Variants in DUS1L observed in about 807,000 individuals in gnomAD.
The protein encoded by DUS1L is dihydrouridine synthase 1 like.
A neutral mutation model predicts 61.2 loss-of-function variants in DUS1L; 56 were observed. The observed-to-expected ratio is 0.92, with a 90% CI of 0.74 to 1.14. The LOEUF (loss-of-function observed/expected upper bound fraction) is 1.14, where lower values mean the gene tolerates loss of function less well. Ranked by LOEUF, DUS1L falls within the 50% of genes most tolerant of loss-of-function variation. DUS1L has a pLI of 0.00. For synonymous variants in DUS1L, 278 were observed against 259.5 expected (o/e 1.07, Z -0.69); for missense variants, 630 against 632.4 (o/e 1.00, Z 0.04).
chr17:82,063,636 C>A (rs150482617), intron 3 of DUS1L, 118 bp from the exon 4 acceptor site: 3 of 1,293,152 alleles, frequency 2.3e-6, no homozygotes, highest in South Asian at 2.5e-5. Context: ...CCCTGTCAGG[C>A]GGGACACAGG....
chr17:82,065,046 T>C lies in DUS1L; in HGVS notation c.14A>G (p.Gln5Arg). Residue 5 changes from glutamine to arginine, a missense_variant, in exon 2 of 14, where the codon CAG (glutamine) becomes CGG (arginine). Physicochemically the swap from Gln to Arg is conservative, Grantham distance 43 (BLOSUM62 1). Transcript: ENST00000306796. ...GGTGCGGCTCCAGAACTCGAAGCCCTGCAGCTTTGGCATCGTCTCCAGGCT... is the reference window on the plus strand; with the variant it reads ...GGTGCGGCTCCAGAACTCGAAGCCCCGCAGCTTTGGCATCGTCTCCAGGCT... MPKL[Q>R]GFEFWSRTLR... 6.3e-7 allele frequency: 1 copy of C among 1,598,900 alleles called. No individual in the cohort carries two copies. Among genetic ancestry groups the C allele is most frequent in the Non-Finnish European group, 8.5e-7 (1 of 1,171,632 alleles).
At chr17:82,063,199 C>G (rs756653601) in intron 4 of DUS1L, 3 of 631,780 alleles carry the variant, frequency 4.7e-6, no homozygotes, top group Non-Finnish European at 8.3e-6. Context: ...AAGGCCGGCT[C>G]TGTCTCCCAG....
chr17:82,058,929 GC>G, intron 11 of DUS1L, 111 bp from the exon 12 acceptor site: 2 of 1,011,138 alleles, frequency 2.0e-6, no homozygotes, highest in Non-Finnish European at 3.1e-6. Flanking sequence ...GCCAGCTGTG[GC>G]CAGCCAGGCC....
At chr17:82,060,592 T>C in intron 10 of DUS1L, 109 bp downstream of exon 10, 1 of 1,387,254 alleles carries the variant, frequency 7.2e-7, no homozygotes, top group Non-Finnish European at 9.8e-7. Context: ...GGGCAGGAGA[T>C]GACTGACCAT....
In DUS1L at chr17:82,064,953, C is replaced by T; in HGVS notation, c.107G>A (p.Ser36Asn). Residue 36 changes from serine (S) to asparagine (N), a missense_variant, in exon 2 of 14, where the codon AGC becomes AAC. By Grantham distance (46) the Ser-to-Asn change is conservative (BLOSUM62 1). Transcript: ENST00000306796. ...DQSELAWRLLSRRHGAQLCYT... is the reference protein window; with the variant it reads ...DQSELAWRLLNRRHGAQLCYT... The stretch of plus-strand genomic sequence containing the variant: ...GCAGAGCTGTGCCCCGTGGCGCCGG[C>T]TCAGCAGCCTCCAGGCCAGCTCGCT... The T allele has an allele frequency of 6.2e-7, 1 of 1,612,516 alleles. No homozygotes were observed. Among genetic ancestry groups the T allele is most frequent in the Non-Finnish European group, 8.5e-7 (1 of 1,179,824 alleles).
chr17:82,062,768 G>A (rs2144740068), intron 5 of DUS1L, 93 bp downstream of exon 5: 2 of 1,158,418 alleles, frequency 1.7e-6, no homozygotes, highest in Non-Finnish European at 2.5e-6. Context: ...GGCCGACGGT[G>A]CACGGTGTCT....
chr17:82,064,802 G>A, intron 2 of DUS1L, 21 bp downstream of exon 2: 1 of 1,590,772 alleles, frequency 6.3e-7, no homozygotes, highest in Admixed American at 1.7e-5. Flanking sequence ...CGCGGCCGCG[G>A]CCACAGCCCC....
In DUS1L at chr17:82,060,099, G is replaced by T; in HGVS notation, c.1023-6C>A. ...CCTTGCTCCCCTCCCTGGGCCTGAG[G>T]GGAGGGCAGCGGGCAGAGCCCAAGG... On this transcript the variant is annotated splice_polypyrimidine_tract_variant and splice_region_variant and intron_variant, in intron 10 of 13. Transcript: ENST00000306796. 6.2e-7 allele frequency: 1 copy of T among 1,612,044 alleles called. No homozygotes were observed. The highest frequency in any genetic ancestry group is 8.5e-7 in the Non-Finnish European group (1 of 1,179,462).
rs528946272 is a variant in DUS1L at position 82,061,603 on chromosome 17, C to G, written c.697+15G>C. 6 of 1,606,986 alleles carry G rather than the reference C, an allele frequency of 3.7e-6. No homozygotes were observed. The Admixed American group carries it at 8.3e-5, about 22-fold the overall frequency. ...TGTGCATGGGGCCCTGGCTGCTGTC[C>G]TGGGCCCTGCCCACCTGCGCTCATG... is the stretch of plus-strand genomic sequence containing the variant. On this transcript the variant is annotated intron_variant, in intron 7 of 13. Transcript: ENST00000306796.
Position 82,064,126 on chromosome 17 carries a change from C to T in DUS1L, c.346G>A (p.Gly116Ser). Reference sequence around the variant, plus strand: ...CCCCCATGCTCCACATGGAGCTCACCTCTCTTGGCTATCATCTGTGGGCAG... The same window carrying T: ...CCCCCATGCTCCACATGGAGCTCACTTCTCTTGGCTATCATCTGTGGGCAG... ...LGCPQMIAKR[G>S]HYGAFLQDEW... The change falls in exon 3 of 14, where the codon GGT (glycine) becomes AGT (serine). Residue 116 changes from glycine to serine, a missense_variant and splice_region_variant. Physicochemically the swap from Gly to Ser is moderately conservative, Grantham distance 56. Transcript: ENST00000306796. The T allele has an allele frequency of 6.2e-7, 1 of 1,611,690 alleles. No individual in the cohort carries two copies. The highest frequency in any genetic ancestry group is 8.5e-7 in the Non-Finnish European group (1 of 1,179,554).
At chr17:82,061,127 C>A (rs1378662203) in intron 8 of DUS1L, 82 bp downstream of exon 8, 10 of 1,554,934 alleles carry the variant, frequency 6.4e-6, no homozygotes, top group Non-Finnish European at 8.7e-6. Flanking sequence ...TTGACAAAAC[C>A]TGCAAAATGC....
In DUS1L at chr17:82,060,693, GCT is replaced by G. The variant is rs779246527; in HGVS notation, c.1022+6_1022+7del. On this transcript the variant is annotated splice_donor_region_variant and intron_variant, in intron 10 of 13. Transcript: ENST00000306796. ...CACATCCCCGCCCAGGGCTGGCTGG[GCT>G]CTCACCCCGGCCGGATGTAGGGCTG... 27 of 1,612,112 alleles carry G rather than the reference GCT, an allele frequency of 1.7e-5. No homozygotes were observed. Among genetic ancestry groups the G allele is most frequent in the Non-Finnish European group, 2.2e-5 (26 of 1,179,664 alleles).
rs767011917 is a variant in DUS1L, at chr17:82,060,080, TC to T, written c.1035del (p.Ser346AlafsTer32). 2 of 1,612,888 alleles carry T rather than the reference TC, an allele frequency of 1.2e-6. No homozygotes were observed. Among genetic ancestry groups the T allele is most frequent in the East Asian group, 2.2e-5 (1 of 44,822 alleles). On this transcript the variant is annotated frameshift_variant, in exon 11 of 14. Coordinates refer to ENST00000306796, the MANE Select transcript of DUS1L (RefSeq NM_022156.5). LOFTEE classifies it high-confidence loss of function. ...CTGCGCGCACCTGCCTTCTCCTTGC[TC>T]CCCTCCCTGGGCCTGAGGGGAGGGC... ...QPYIRPGPRE[G>X]SKEKAGARSK...
intron 13 of DUS1L, 24 bp from the exon 14 acceptor site, chr17:82,058,278 C>CG (rs754277908): frequency 9.7e-6 from 15 of 1,553,246 alleles, no homozygotes; most frequent in Admixed American, 5.6e-5. Flanking sequence ...TGAGAGGAGT[C>CG]GGGGGTCAGG....
chr17:82,065,742 C>T lies in DUS1L; in HGVS notation c.-140G>A, dbSNP rs966739520. 3 of 147,070 alleles carry T rather than the reference C, an allele frequency of 2.0e-5. No individual in the cohort carries two copies. Among genetic ancestry groups the T allele is most frequent in the South Asian group, 2.0e-4 (1 of 4,940 alleles). 9.1% of individuals were successfully genotyped at this position (147,070 alleles called of 1,614,324 possible). On this transcript the variant is annotated 5_prime_UTR_variant, in exon 1 of 14. Transcript: ENST00000306796. ...CCTGCAGCTCCCGGGGCGCCGCGAACGCCCGCACCGCGCCGGGGCCGCCGC... is the reference window on the plus strand; with the variant it reads ...CCTGCAGCTCCCGGGGCGCCGCGAATGCCCGCACCGCGCCGGGGCCGCCGC...
intron 11 of DUS1L, 137 bp from the exon 12 acceptor site, chr17:82,058,955 G>A: frequency 8.7e-6 from 7 of 806,638 alleles, no homozygotes; most frequent in Admixed American, 2.0e-5. Flanking sequence ...GGCTCAGGGA[G>A]GGCAGAGGAT....
chr17:82,058,207 T>G lies in DUS1L; in HGVS notation c.1330A>C (p.Lys444Gln). The G allele has an allele frequency of 1.3e-6, 2 of 1,599,988 alleles. No individual in the cohort carries two copies. The highest frequency in any genetic ancestry group is 1.7e-6 in the Non-Finnish European group (2 of 1,170,538). ...KTKLEKSLAW[K>Q]EAQPELQEPQ... is the part of the protein sequence containing the mutation. Reference sequence around the variant, plus strand: ...TCCTGCAGCTCAGGCTGGGCCTCTTTCCAGGCCAGAGACTTCTCCAATTTG... The same window carrying G: ...TCCTGCAGCTCAGGCTGGGCCTCTTGCCAGGCCAGAGACTTCTCCAATTTG... The change falls in exon 14 of 14, where the codon AAA becomes CAA. Residue 444 changes from lysine (K) to glutamine (Q), a missense_variant. Lys to Gln is a moderately conservative substitution (Grantham distance 53). Transcript: ENST00000306796.
Position 82,064,828 on chromosome 17 carries a change from C to T in DUS1L, c.232G>A (p.Val78Met), listed in dbSNP as rs1417449474. Residue 78 changes from valine to methionine, a missense_variant, in exon 2 of 14, where the codon GTG becomes ATG. Val to Met is a conservative substitution (Grantham distance 21). Coordinates refer to ENST00000306796, the MANE Select transcript of DUS1L (RefSeq NM_022156.5). ...EVCPEDRPLI[V>M]QFCANDPEVF... Reference sequence around the variant, plus strand: ...CCACAGCCCCTCCTGCGCACCTGCACGATGAGGGGCCGGTCCTCGGGGCAC... The same window carrying T: ...CCACAGCCCCTCCTGCGCACCTGCATGATGAGGGGCCGGTCCTCGGGGCAC... The T allele has an allele frequency of 2.5e-6, 4 of 1,608,240 alleles. No individual in the cohort carries two copies. The highest frequency in any genetic ancestry group is 1.7e-5 in the Admixed American group (1 of 59,694).
At position 82,057,778 on chromosome 17, in the gene DUS1L, G is replaced by T. The variant is rs958710481; in HGVS notation, c.*337C>A. 12 of 234,946 alleles carry T rather than the reference G, an allele frequency of 5.1e-5. No homozygotes were observed. In the South Asian group the frequency reaches 1.0e-3, roughly 20 times the overall value. The allele number at this position is 234,946 out of a possible 1,614,324, so 14.6% of individuals were successfully genotyped here. A position where few individuals can be genotyped will look rare whatever the true frequency, so the allele number is the denominator to read the frequency against. On this transcript the variant is annotated 3_prime_UTR_variant, in exon 14 of 14. Coordinates refer to ENST00000306796, the MANE Select transcript of DUS1L (RefSeq NM_022156.5). ...ACCCAGATGCTGCCTTCATTTAGAT[G>T]TATCCTGTTGTTCAGAAGCCCCCAC...
Sources: gnomAD v4.1 joint callset for allele counts on GRCh38, gnomAD v4.1.1 for gene constraint, MANE v1.5 for transcripts, NCBI Gene and HGNC (gene_info 2026-07-23, HGNC 2026-07-21) for gene names.